NCKAP5: variants seen among roughly 807,000 people sequenced by gnomAD.
NCKAP5 encodes NCK associated protein 5.
NCKAP5 carries 92 observed loss-of-function variants against 167.0 expected under a neutral mutation model. The observed-to-expected ratio is 0.55, with a 90% CI of 0.47 to 0.66. The LOEUF is 0.66. Ranked by LOEUF, NCKAP5 falls within the 30% of genes least tolerant of loss-of-function variation. The pLI is 0.00. For synonymous variants in NCKAP5, 891 were observed against 877.4 expected (o/e 1.02, Z -0.27); for missense variants, 2,378 against 2,315.0 (o/e 1.03, Z -0.56).
chr2:132,860,615 CAACA>C lies in NCKAP5; in HGVS notation c.688-8_688-5del. The C allele has an allele frequency of 6.4e-7, 1 of 1,565,606 alleles. No individual in the cohort carries two copies. The highest frequency in any genetic ancestry group is 8.7e-7 in the Non-Finnish European group (1 of 1,153,248). On this transcript the variant is annotated splice_region_variant and splice_polypyrimidine_tract_variant and intron_variant, in intron 10 of 19. Transcript: ENST00000409261. ...TCACACATTCCTCTCTTAGATCCTA[CAACA>C]AACACATCGAAGGAGGAAAAAGTCC...
chr2:133,258,498 T>C (rs953382989), intron 4 of NCKAP5, among the ~76,000 whole-genome samples: 2 of 152,076 alleles, frequency 1.3e-5, no homozygotes, highest in Non-Finnish European at 2.9e-5. Flanking sequence ...TCCCAGCACT[T>C]TGGGAGGCTG....
chr2:133,050,054 G>A (rs551900883), intron 6 of NCKAP5, among the ~76,000 whole-genome samples: 2 of 152,308 alleles, frequency 1.3e-5, no homozygotes, highest in African/African-American at 4.8e-5. Context: ...CTACCATGCT[G>A]GCCTTTCCCT....
intron 6 of NCKAP5, among the ~76,000 whole-genome samples, chr2:132,997,011 G>A (rs2077622831): frequency 6.6e-6 from 1 of 152,192 alleles, no homozygotes; most frequent in Non-Finnish European, 1.5e-5. Flanking sequence ...TGGTTGAAGA[G>A]AACTGTGAAG....
chr2:133,652,455 A>C, the NCKAP5 span, among the ~76,000 whole-genome samples: 1 of 152,246 alleles, frequency 6.6e-6, no homozygotes. Context: ...AATGACAATT[A>C]AATGGAAAGC....
intron 5 of NCKAP5, among the ~76,000 whole-genome samples, chr2:133,206,034 T>A (rs1032633840): frequency 6.6e-6 from 1 of 152,172 alleles, no homozygotes; most frequent in Non-Finnish European, 1.5e-5. Context: ...CCAGCTCTTA[T>A]ACTACTTTTC....
intron 5 of NCKAP5, among the ~76,000 whole-genome samples, chr2:133,208,504 A>G (rs961732445): frequency 6.6e-6 from 1 of 152,208 alleles, no homozygotes; most frequent in African/African-American, 2.4e-5. Context: ...AAAAAACCTA[A>G]CCAGTACTTC....
rs1202804320 is a variant in NCKAP5, at chr2:132,789,279, A to G, written c.1092+744T>C. On this transcript the variant is annotated intron_variant, in intron 13 of 19. Coordinates refer to ENST00000409261, the MANE Select transcript of NCKAP5 (RefSeq NM_207363.3). ...CCATCTGTCCAGTCTGTTCCAAACC[A>G]GGCTCAGAGCAGTCATTATTCAGAG... Among the ~76,000 whole-genome samples, 4 of 152,220 alleles carry G rather than the reference A, an allele frequency of 2.6e-5. No individual in the cohort carries two copies. In the East Asian group the frequency reaches 5.8e-4, roughly 22 times the overall value.
chr2:133,430,669 T>C (rs1242377150), intron 3 of NCKAP5, among the ~76,000 whole-genome samples: 1 of 152,112 alleles, frequency 6.6e-6, no homozygotes, highest in Non-Finnish European at 1.5e-5. Flanking sequence ...CTGTTGAAGA[T>C]GAGTTAGTCA....
At chr2:132,759,084 T>C (rs1332370342) in intron 16 of NCKAP5, among the ~76,000 whole-genome samples, 2 of 152,200 alleles carry the variant, frequency 1.3e-5, no homozygotes, top group Non-Finnish European at 2.9e-5. Flanking sequence ...ACTAAACAAA[T>C]AGAATCATCC....
intron 8 of NCKAP5, among the ~76,000 whole-genome samples, chr2:132,929,196 G>T (rs980818405): frequency 6.6e-6 from 1 of 152,006 alleles, no homozygotes; most frequent in East Asian, 1.9e-4. Flanking sequence ...TTTGGATTTC[G>T]CAGCCTCCAC....
chr2:132,704,462 C>T (rs1270588485), intron 19 of NCKAP5, among the ~76,000 whole-genome samples: 1 of 152,194 alleles, frequency 6.6e-6, no homozygotes, highest in Non-Finnish European at 1.5e-5. Flanking sequence ...AGGTGAACAC[C>T]TGAGCTGTGA....
chr2:132,850,089 A>C (rs1688961463), intron 11 of NCKAP5, among the ~76,000 whole-genome samples: 2 of 152,188 alleles, frequency 1.3e-5, no homozygotes, highest in South Asian at 4.2e-4. Context: ...ATAATAATAT[A>C]TGATTCTATT....
intron 4 of NCKAP5, among the ~76,000 whole-genome samples, chr2:133,233,252 G>T (rs2087237030): frequency 6.6e-6 from 1 of 152,146 alleles, no homozygotes. Flanking sequence ...AAGGATTTTA[G>T]AAATCACACA....
At chr2:133,355,310 G>T (rs1212044330) in intron 3 of NCKAP5, among the ~76,000 whole-genome samples, 1 of 152,096 alleles carries the variant, frequency 6.6e-6, no homozygotes, top group Non-Finnish European at 1.5e-5. Context: ...GTATAAATGT[G>T]CCACTTTATA....
intron 16 of NCKAP5, among the ~76,000 whole-genome samples, chr2:132,759,001 A>G (rs1203661410): frequency 6.6e-6 from 1 of 152,184 alleles, no homozygotes; most frequent in East Asian, 1.9e-4. Context: ...TGATAAAGTA[A>G]CTATCTTGTT....
chr2:132,870,383 G>C (rs1417017938), intron 9 of NCKAP5, among the ~76,000 whole-genome samples: 1 of 152,124 alleles, frequency 6.6e-6, no homozygotes, highest in East Asian at 1.9e-4. Context: ...CATTTAATGT[G>C]ATAACTGAAA....
At chr2:132,931,398 A>T (rs1018889483) in intron 8 of NCKAP5, 1 of 151,436 alleles carries the variant, frequency 6.6e-6, no homozygotes, top group African/African-American at 2.4e-5. Context: ...CCCTTCTACC[A>T]TGTGGCTGCG....
chr2:133,539,079 TA>T (rs1686011055), intron 2 of NCKAP5, among the ~76,000 whole-genome samples: 1 of 151,784 alleles, frequency 6.6e-6, no homozygotes, highest in African/African-American at 2.4e-5. Context: ...TAGCTGGGAC[TA>T]CAGGCGCCAG....
chr2:133,193,949 G>A (rs1417112007), intron 5 of NCKAP5, among the ~76,000 whole-genome samples: 2 of 152,016 alleles, frequency 1.3e-5, no homozygotes, highest in African/African-American at 2.4e-5. Context: ...TTGGATCAGC[G>A]GCTGTGTTAC....
Sources: allele counts gnomAD v4.1 joint callset (sites outside exome capture counted in the v4.1 genomes callset), GRCh38; gene constraint gnomAD v4.1.1; transcripts MANE v1.5; gene names NCBI Gene and HGNC (gene_info 2026-07-23, HGNC 2026-07-21).